Variants in MACROD2 observed in about 807,000 individuals in gnomAD.
MACROD2 encodes ADP-ribose glycohydrolase MACROD2.
In MACROD2, 36 loss-of-function variants were observed where a neutral mutation model predicts 70.4. The observed-to-expected ratio is 0.51, with a 90% CI of 0.39 to 0.68. The LOEUF (loss-of-function observed/expected upper bound fraction) is 0.68. MACROD2 is among the 30% of genes least tolerant of loss of function. The pLI is 0.00. For synonymous variants in MACROD2, 172 were observed against 178.8 expected (o/e 0.96, Z 0.30); for missense variants, 496 against 538.4 (o/e 0.92, Z 0.78).
chr20:15,361,868 A>C (rs747679705), intron 6 of MACROD2, among the ~76,000 whole-genome samples: 112 of 152,274 alleles, frequency 7.4e-4, no homozygotes, highest in Non-Finnish European at 1.2e-3. Context: ...CATTTATAGC[A>C]TGCAGAATAA....
At chr20:15,499,676 G>A in intron 7 of MACROD2, 98 bp from the exon 8 acceptor site, 1 of 1,046,458 alleles carries the variant, frequency 9.6e-7, no homozygotes, top group Non-Finnish European at 1.5e-6. Flanking sequence ...TGAACTGAAT[G>A]TTGTTTAAAT....
chr20:14,518,768 A>T (rs747086877), intron 4 of MACROD2, among the ~76,000 whole-genome samples: 2 of 152,188 alleles, frequency 1.3e-5, no homozygotes, highest in African/African-American at 4.8e-5. Context: ...CAAGGGAGAT[A>T]AGACTAAAGT....
chr20:15,607,302 G>T (rs146521761), intron 8 of MACROD2, among the ~76,000 whole-genome samples: 2 of 152,136 alleles, frequency 1.3e-5, no homozygotes, highest in African/African-American at 4.8e-5. Flanking sequence ...ATAATTTGGC[G>T]TATTCATGAG....
chr20:14,220,986 T>A (rs1477101600), intron 3 of MACROD2, among the ~76,000 whole-genome samples: 1 of 152,180 alleles, frequency 6.6e-6, no homozygotes, highest in Non-Finnish European at 1.5e-5. Context: ...CAGTGCGAGG[T>A]GCCGCCCACT....
At chr20:14,376,284 A>G (rs2083369786) in intron 3 of MACROD2, among the ~76,000 whole-genome samples, 1 of 151,998 alleles carries the variant, frequency 6.6e-6, no homozygotes, top group Non-Finnish European at 1.5e-5. Flanking sequence ...TTACACCTTT[A>G]CACTTTTGCT....
chr20:15,641,650 C>G (rs1048043469), intron 8 of MACROD2, among the ~76,000 whole-genome samples: 3 of 152,194 alleles, frequency 2.0e-5, no homozygotes, highest in Non-Finnish European at 4.4e-5. Flanking sequence ...TCCTAACACA[C>G]AAGCGTCTTA....
chr20:14,484,944 G>T (rs35763852), intron 3 of MACROD2, among the ~76,000 whole-genome samples: 22,730 of 152,028 alleles, frequency 0.15, 2,409 homozygotes, highest in Non-Finnish European at 0.22. Flanking sequence ...TTCTTTCTTT[G>T]GGGTATACCT....
At chr20:15,539,973 G>A (rs1467816647) in intron 8 of MACROD2, among the ~76,000 whole-genome samples, 1 of 152,208 alleles carries the variant, frequency 6.6e-6, no homozygotes, top group East Asian at 1.9e-4. Flanking sequence ...GGGCGACAGA[G>A]CGAGACTCCA....
chr20:15,345,130 G>C (rs2078151276), intron 6 of MACROD2, among the ~76,000 whole-genome samples: 1 of 152,136 alleles, frequency 6.6e-6, no homozygotes, highest in East Asian at 1.9e-4. Flanking sequence ...CTATCCTTAT[G>C]GCCTTGTCTA....
intron 3 of MACROD2, among the ~76,000 whole-genome samples, chr20:14,135,431 A>G (rs974321529): frequency 6.6e-6 from 1 of 152,188 alleles, no homozygotes; most frequent in African/African-American, 2.4e-5. Flanking sequence ...GCTTTGGAAG[A>G]TTCAGATAGG....
intron 5 of MACROD2, among the ~76,000 whole-genome samples, chr20:14,858,245 G>A (rs1304138966): frequency 6.6e-6 from 1 of 152,036 alleles, no homozygotes; most frequent in African/African-American, 2.4e-5. Flanking sequence ...TGATAAATAC[G>A]CCCCAAGGGT....
chr20:14,266,560 T>C (rs1185453567), intron 3 of MACROD2, among the ~76,000 whole-genome samples: 2 of 152,194 alleles, frequency 1.3e-5, no homozygotes, highest in African/African-American at 4.8e-5. Flanking sequence ...TCTTCATTTA[T>C]ATAGATCTAC....
intron 5 of MACROD2, among the ~76,000 whole-genome samples, chr20:15,124,610 G>A (rs2076053878): frequency 6.6e-6 from 1 of 151,852 alleles, no homozygotes; most frequent in South Asian, 2.1e-4. Flanking sequence ...TTTATATGAT[G>A]TTTAAGGGAA....
chr20:15,537,165 AC>A (rs1385415345), intron 8 of MACROD2, among the ~76,000 whole-genome samples: 1 of 152,080 alleles, frequency 6.6e-6, no homozygotes, highest in Admixed American at 6.6e-5. Context: ...AATAAGTCTC[AC>A]GAGATCTGAT....
At chr20:15,825,135 G>C (rs931126613) in intron 8 of MACROD2, among the ~76,000 whole-genome samples, 1 of 152,168 alleles carries the variant, frequency 6.6e-6, no homozygotes, top group African/African-American at 2.4e-5. Flanking sequence ...GGTTTTGAGA[G>C]ATTAAAAATG....
chr20:14,677,767 T>A (rs998609234), intron 4 of MACROD2, among the ~76,000 whole-genome samples: 1 of 152,174 alleles, frequency 6.6e-6, no homozygotes, highest in Non-Finnish European at 1.5e-5. Context: ...GAGGAACAGC[T>A]ATTTCAATGA....
chr20:14,474,838 C>T (rs1156950165), intron 3 of MACROD2, among the ~76,000 whole-genome samples: 1 of 152,010 alleles, frequency 6.6e-6, no homozygotes, highest in Non-Finnish European at 1.5e-5. Context: ...TCCATTTCTT[C>T]ACTTTTAGGC....
intron 6 of MACROD2, among the ~76,000 whole-genome samples, chr20:15,238,120 T>C (rs903874958): frequency 6.6e-6 from 1 of 152,192 alleles, no homozygotes; most frequent in Admixed American, 6.5e-5. Flanking sequence ...ATTGAGAGCA[T>C]TGGTTTAAGT....
chr20:14,125,092 C>T (rs2054631863), intron 3 of MACROD2, among the ~76,000 whole-genome samples: 1 of 151,932 alleles, frequency 6.6e-6, no homozygotes, highest in Non-Finnish European at 1.5e-5. Flanking sequence ...TATGAACTAT[C>T]CAGAATAGAT....
Sources: gnomAD v4.1 joint callset for allele counts (sites outside exome capture counted in the v4.1 genomes callset) on GRCh38, gnomAD v4.1.1 for gene constraint, MANE v1.5 for transcripts, NCBI Gene and HGNC (gene_info 2026-07-23, HGNC 2026-07-21) for gene names.